The following TRMU variants were observed in gnomAD, a reference collection of about 807,000 sequenced individuals.
The protein encoded by TRMU is mitochondrial tRNA-specific 2-thiouridylase 1.
TRMU carries 49 observed loss-of-function variants against 46.9 expected under a neutral mutation model. The observed-to-expected ratio is 1.05, with a 90% CI of 0.83 to 1.33. TRMU has a LOEUF of 1.33. Ranked by LOEUF, TRMU falls within the 40% of genes most tolerant of loss-of-function variation. TRMU has a pLI of 0.00. For synonymous variants in TRMU, 241 were observed against 200.9 expected, an observed-to-expected ratio of 1.20 and a Z score of -1.69; for missense variants, 572 against 532.4, an observed-to-expected ratio of 1.07 and a Z score of -0.73.
intron 2 of TRMU, 39 bp downstream of exon 2, chr22:46,337,983 C>A: frequency 6.2e-7 from 1 of 1,613,264 alleles, no homozygotes; most frequent in Non-Finnish European, 8.5e-7. Context: ...CTTCCTCACA[C>A]TGTGGATCCT....
intron 7 of TRMU, chr22:46,353,259 A>G: frequency 5.4e-6 from 1 of 186,800 alleles, no homozygotes; most frequent in Non-Finnish European, 1.1e-5. Flanking sequence ...GCCACGTGGT[A>G]AATCCCATGA....
At chr22:46,345,864 T>A (rs540396694) in intron 3 of TRMU, among the ~76,000 whole-genome samples, 32 of 151,956 alleles carry the variant, frequency 2.1e-4, no homozygotes, top group Non-Finnish European at 4.4e-4. Flanking sequence ...ACCTCCCAGG[T>A]TGAAGCAATC....
At chr22:46,352,529 G>A in intron 7 of TRMU, 199 bp downstream of exon 7, 1 of 649,912 alleles carries the variant, frequency 1.5e-6, no homozygotes, top group Non-Finnish European at 2.7e-6. Context: ...TTCCAGATGT[G>A]GCCTCAGCTG....
In TRMU at chr22:46,346,427, G is replaced by C. The variant is rs766303919; in HGVS notation, c.361G>C (p.Asp121His). The change falls in exon 4 of 11, where the codon GAT becomes CAT. Residue 121 changes from aspartate (D) to histidine (H), a missense_variant. By Grantham distance (81) the Asp-to-His change is moderately conservative (BLOSUM62 -1). Coordinates refer to ENST00000645190, the MANE Select transcript of TRMU (RefSeq NM_018006.5). ...GTGTTCTAAAAACCTCACAGGGGCA[G>C]ATGCCATTGCCACAGGTCACTATGC... ...FHYAVDNLGA[D>H]AIATGHYART... 5 of 1,612,846 alleles carry C rather than the reference G, an allele frequency of 3.1e-6. No individual in the cohort carries two copies. Among genetic ancestry groups the C allele is most frequent in the African/African-American group, 1.3e-5 (1 of 74,902 alleles).
Position 46,357,056 on chromosome 22 carries a change from G to A in TRMU, c.*50G>A, listed in dbSNP as rs751695145. ...CCTGGAGAGCAGGACCCATGGCTGG[G>A]CGGCTGGTGAGCAGTCCAGGTGCCC... is the stretch of plus-strand genomic sequence containing the variant. On this transcript the variant is annotated 3_prime_UTR_variant, in exon 11 of 11. Transcript: ENST00000645190. 4 of 1,610,450 alleles carry A rather than the reference G, an allele frequency of 2.5e-6. No homozygotes were observed. In the South Asian group the frequency reaches 4.4e-5, roughly 18 times the overall value.
chr22:46,347,551 T>A lies in TRMU; in HGVS notation c.478+1007T>A, dbSNP rs547734914. Reference sequence around the variant, plus strand: ...TTTTGTAGAGATGAGGTCTCGTTAATGTTGTCCGTGCTGGTCTTGAATTCC... The same window carrying A: ...TTTTGTAGAGATGAGGTCTCGTTAAAGTTGTCCGTGCTGGTCTTGAATTCC... On this transcript the variant is annotated intron_variant, in intron 4 of 10. Transcript: ENST00000645190. The surrounding 1 kb of genome is among the most constrained non-coding windows in gnomAD (Gnocchi z 5.0). 10 of 151,982 alleles carry A rather than the reference T, an allele frequency of 6.6e-5. No homozygotes were observed. The highest frequency in any genetic ancestry group is 2.4e-4 in the African/African-American group (10 of 41,358). The allele number at this position is 151,982 out of a possible 1,614,324, so 9.4% of individuals were successfully genotyped here.
In TRMU at chr22:46,336,155, C is replaced by A; in HGVS notation, c.82+309C>A. On this transcript the variant is annotated intron_variant, in intron 1 of 10. Transcript: ENST00000645190. The surrounding 1 kb of genome is among the most constrained non-coding windows in gnomAD (Gnocchi z 4.1). ...GGGGTGGGGAGGGAAGGGTTTCTCA[C>A]GGATCTGCGGCGTCCACATTCACCT... is the stretch of plus-strand genomic sequence containing the variant. 7.8e-7 allele frequency: 1 copy of A among 1,274,858 alleles called. No individual in the cohort carries two copies. The highest frequency in any genetic ancestry group is 1.7e-5 in the South Asian group (1 of 59,650). The allele number at this position is 1,274,858 out of a possible 1,614,324, so 79.0% of individuals were successfully genotyped here. A position where few individuals can be genotyped will look rare whatever the true frequency, so the allele number is the denominator to read the frequency against.
rs1420266491 is a variant in TRMU, at chr22:46,338,103, C to T, written c.248+159C>T. 4 of 1,000,896 alleles carry T rather than the reference C, an allele frequency of 4.0e-6. No individual in the cohort carries two copies. The East Asian group carries it at 7.5e-5, about 19-fold the overall frequency. The allele number at this position is 1,000,896 out of a possible 1,614,324, so 62.0% of individuals were successfully genotyped here. On this transcript the variant is annotated intron_variant, in intron 2 of 10. Coordinates refer to ENST00000645190, the MANE Select transcript of TRMU (RefSeq NM_018006.5). This position sits in a 1 kb window ranked among gnomAD's most constrained non-coding sequence, Gnocchi z 4.5. ...CAAGAGGCCTCAGCCACCCTCGGGG[C>T]TCTGTGTTAGAGGCGAGGCCTGGAC...
Position 46,337,991 on chromosome 22 carries a change from C to G in TRMU, c.248+47C>G, listed in dbSNP as rs115904827. 3,279 of 1,612,100 alleles carry G rather than the reference C, an allele frequency of 2.0e-3. 64 individuals carry two copies. The African/African-American group carries it at 0.039, about 19-fold the overall frequency. ...AAGGAAGCTTCCTCACACTGTGGATCCTTGCAGTGGAAGGATCCGGTAACC... is the reference window on the plus strand; with the variant it reads ...AAGGAAGCTTCCTCACACTGTGGATGCTTGCAGTGGAAGGATCCGGTAACC... On this transcript the variant is annotated intron_variant, in intron 2 of 10. Coordinates refer to ENST00000645190, the MANE Select transcript of TRMU (RefSeq NM_018006.5).
chr22:46,352,796 G>A (rs750032820), intron 7 of TRMU: 18 of 291,526 alleles, frequency 6.2e-5, no homozygotes, highest in South Asian at 1.8e-4. Context: ...CCCTTACTGC[G>A]GTGAGGCCTG....
Position 46,336,182 on chromosome 22 carries a change from T to A in TRMU, c.82+336T>A. The A allele has an allele frequency of 8.4e-7, 1 of 1,190,638 alleles. No homozygotes were observed. The highest frequency in any genetic ancestry group is 1.1e-6 in the Non-Finnish European group (1 of 950,530). 73.8% of individuals were successfully genotyped at this position (1,190,638 alleles called of 1,614,324 possible). A position where few individuals can be genotyped will look rare whatever the true frequency, so the allele number is the denominator to read the frequency against. On this transcript the variant is annotated intron_variant, in intron 1 of 10. Coordinates refer to ENST00000645190, the MANE Select transcript of TRMU (RefSeq NM_018006.5). The surrounding 1 kb of genome is among the most constrained non-coding windows in gnomAD (Gnocchi z 4.1). ...GATCTGCGGCGTCCACATTCACCTG[T>A]GAGACCGTGGACACTGGTGAGGGGA...
chr22:46,350,578 C>A lies in TRMU; in HGVS notation c.651+115C>A. 1 of 1,315,202 alleles carries A rather than the reference C, an allele frequency of 7.6e-7. No individual in the cohort carries two copies. Among genetic ancestry groups the A allele is most frequent in the Non-Finnish European group, 1.1e-6 (1 of 924,186 alleles). The allele number at this position is 1,315,202 out of a possible 1,614,324, so 81.5% of individuals were successfully genotyped here. ...CTTCCCCTTCTCCAGGACCTAACAT[C>A]AAAGGCGGGCCTTGGAGCAATAGAT... is the stretch of plus-strand genomic sequence containing the variant. On this transcript the variant is annotated intron_variant, in intron 5 of 10. Transcript: ENST00000645190. The surrounding 1 kb of genome is among the most constrained non-coding windows in gnomAD (Gnocchi z 4.6).
At chr22:46,356,104 G>T in intron 10 of TRMU, 32 bp downstream of exon 10, 1 of 1,612,514 alleles carries the variant, frequency 6.2e-7, no homozygotes, top group South Asian at 1.1e-5. Context: ...GCCCGGGGAG[G>T]ACTGTACTGC....
chr22:46,353,369 C>G, intron 7 of TRMU: 1 of 293,810 alleles, frequency 3.4e-6, no homozygotes, highest in South Asian at 3.2e-5. Context: ...CTGGGGGTAG[C>G]CCTGATGCAG....
intron 10 of TRMU, chr22:46,356,434 CCTGGTGGGTGT>C: frequency 2.4e-6 from 1 of 423,548 alleles, no homozygotes; most frequent in South Asian, 2.6e-5. Flanking sequence ...AGGGTGGGCG[CCTGGTGGGTGT>C]AGGCCTGAGG....
intron 3 of TRMU, among the ~76,000 whole-genome samples, chr22:46,345,090 A>G (rs1264199459): frequency 6.6e-6 from 1 of 152,024 alleles, no homozygotes; most frequent in Non-Finnish European, 1.5e-5. Flanking sequence ...TCTTTTTTTG[A>G]GATGGAGTCT....
intron 9 of TRMU, 136 bp downstream of exon 9, chr22:46,355,724 T>C (rs1264325573): frequency 3.7e-5 from 54 of 1,443,666 alleles, no homozygotes; most frequent in Non-Finnish European, 5.1e-5. Context: ...CTAAAGTATT[T>C]AGAACTCCCG....
Position 46,350,337 on chromosome 22 carries a change from C to G in TRMU, c.525C>G (p.Phe175Leu), listed in dbSNP as rs1242492741. The G allele has an allele frequency of 6.2e-7, 1 of 1,614,244 alleles. No homozygotes were observed. Among genetic ancestry groups the G allele is most frequent in the African/African-American group, 1.3e-5 (1 of 75,076 alleles). ...QAADSFKDQT[F>L]FLSQVSQDAL... ...CTGACAGCTTTAAAGACCAGACCTT[C>G]TTTCTCAGCCAGGTTTCCCAGGATG... The change falls in exon 5 of 11, where the codon TTC becomes TTG. Residue 175 changes from phenylalanine to leucine, a missense_variant. Coordinates refer to ENST00000645190, the MANE Select transcript of TRMU (RefSeq NM_018006.5). The surrounding 1 kb of genome is among the most constrained non-coding windows in gnomAD (Gnocchi z 4.6).
chr22:46,341,810 T>A (rs549039384), intron 2 of TRMU, among the ~76,000 whole-genome samples: 2 of 152,334 alleles, frequency 1.3e-5, no homozygotes, highest in African/African-American at 4.8e-5. Context: ...TGATCCACTT[T>A]AAGCACCCAA....
Sources: gnomAD v4.1 joint callset for allele counts (sites outside exome capture counted in the v4.1 genomes callset) on GRCh38, gnomAD v4.1.1 for gene constraint, Gnocchi (gnomAD v3.1) non-coding constraint, MANE v1.5 for transcripts, NCBI Gene and HGNC (gene_info 2026-07-23, HGNC 2026-07-21) for gene names.